FAM171B: variants seen among roughly 807,000 people sequenced by gnomAD.
FAM171B encodes the protein protein FAM171B.
A neutral mutation model predicts 75.6 loss-of-function variants in FAM171B; 19 were observed. That is an observed-to-expected ratio of 0.25 (90% CI 0.18 to 0.37). The LOEUF (loss-of-function observed/expected upper bound fraction) is 0.37, where lower values mean the gene tolerates loss of function less well. Among genes scored for constraint, FAM171B ranks in the 10% least tolerant of loss-of-function variants. The pLI, the probability that FAM171B is intolerant of heterozygous loss-of-function variation, is 1.00. For missense variants in FAM171B, 848 were observed against 982.4 expected, an observed-to-expected ratio of 0.86 and a Z score of 1.83; for synonymous variants, 367 against 361.7, an observed-to-expected ratio of 1.01 and a Z score of -0.17.
At chr2:186,707,681 C>T (rs934657661) in intron 1 of FAM171B, among the ~76,000 whole-genome samples, 1 of 152,014 alleles carries the variant, frequency 6.6e-6, no homozygotes, top group Non-Finnish European at 1.5e-5. Flanking sequence ...CTCTGTACCT[C>T]GGGAGTGACA....
At chr2:186,734,768 C>CA (rs1204153268) in intron 1 of FAM171B, among the ~76,000 whole-genome samples, 1 of 152,194 alleles carries the variant, frequency 6.6e-6, no homozygotes, top group Non-Finnish European at 1.5e-5. Context: ...CCACCCTCAG[C>CA]CTCTGCTGTT....
intron 1 of FAM171B, among the ~76,000 whole-genome samples, chr2:186,711,238 A>G (rs867674176): frequency 6.6e-6 from 1 of 152,158 alleles, no homozygotes; most frequent in South Asian, 2.1e-4. Flanking sequence ...TGAAGGTAAC[A>G]ATTTAGCTAC....
rs769406323 is a variant in FAM171B at position 186,761,456 on chromosome 2, T to G, written c.1137-23T>G. 95 of 1,530,214 alleles carry G rather than the reference T, an allele frequency of 6.2e-5. 1 individual carries two copies. In the South Asian group the frequency reaches 1.2e-3, roughly 20 times the overall value. 94.8% of individuals were successfully genotyped at this position (1,530,214 alleles called of 1,614,324 possible). A position where few individuals can be genotyped will look rare whatever the true frequency, so the allele number is the denominator to read the frequency against. On this transcript the variant is annotated intron_variant, in intron 7 of 7. Transcript: ENST00000304698. ...ATTTGTGTCATAACTTTTAAATATT[T>G]TTTGCCTTCTCTTCTACTCTAGGGA...
intron 1 of FAM171B, among the ~76,000 whole-genome samples, chr2:186,694,735 T>A (rs1386517888): frequency 7.3e-6 from 1 of 137,312 alleles, no homozygotes; most frequent in Non-Finnish European, 1.5e-5. Context: ...CCCTCTGCCC[T>A]GGGAATGACT....
chr2:186,694,189 C>G lies in FAM171B; in HGVS notation c.16C>G (p.Arg6Gly), dbSNP rs1417917515. Residue 6 changes from arginine (R) to glycine (G), a missense_variant, in exon 1 of 8, where the codon CGG becomes GGG. Arg to Gly is a moderately radical substitution (Grantham distance 125). Coordinates refer to ENST00000304698, the MANE Select transcript of FAM171B (RefSeq NM_177454.4). ...GCTCTAGGCCATGGCGAGGCTCTGC[C>G]GGCGTGTCCCCTGCACCCTGCTTCT... MARLC[R>G]RVPCTLLLGL... 2 of 1,600,964 alleles carry G rather than the reference C, an allele frequency of 1.2e-6. No homozygotes were observed. Among genetic ancestry groups the G allele is most frequent in the South Asian group, 2.2e-5 (2 of 90,368 alleles).
In FAM171B at chr2:186,761,125, A is replaced by T. The variant is rs1365629516; in HGVS notation, c.1025A>T (p.Asn342Ile). The T allele has an allele frequency of 6.2e-7, 1 of 1,609,326 alleles. No individual in the cohort carries two copies. The highest frequency in any genetic ancestry group is 8.5e-7 in the Non-Finnish European group (1 of 1,177,978). ...TTGAACCATGTAGGTTCAGGTATAA[A>T]TGAAGATTCCAAGGACATAACTGCC... is the stretch of plus-strand genomic sequence containing the variant. ...PLPGTRGSGI[N>I]EDSKDITAYH... Residue 342 changes from asparagine to isoleucine, a missense_variant, in exon 7 of 8, where the codon AAT becomes ATT. Around this residue, in one of 3 missense-constraint regions of FAM171B, gnomAD observed 665 missense variants for 729.0 expected, o/e 0.91. Coordinates refer to ENST00000304698, the MANE Select transcript of FAM171B (RefSeq NM_177454.4).
rs753359977 is a variant in FAM171B at position 186,761,699 on chromosome 2, A to G, written c.1357A>G (p.Met453Val). ...SKAETEERVS[M>V]VKTRDDFKIY... is the part of the protein sequence containing the mutation. ...GGCAGAAACAGAAGAAAGAGTTTCCATGGTAAAAACTCGGGACGATTTTAA... is the reference window on the plus strand; with the variant it reads ...GGCAGAAACAGAAGAAAGAGTTTCCGTGGTAAAAACTCGGGACGATTTTAA... The change falls in exon 8 of 8, where the codon ATG (methionine) becomes GTG (valine). Residue 453 changes from methionine (M) to valine (V), a missense_variant. Physicochemically the swap from Met to Val is conservative, Grantham distance 21. Transcript: ENST00000304698. 5 of 1,612,770 alleles carry G rather than the reference A, an allele frequency of 3.1e-6. No individual in the cohort carries two copies. The highest frequency in any genetic ancestry group is 2.2e-5 in the South Asian group (2 of 90,800).
At chr2:186,726,128 T>C (rs1012336940) in intron 1 of FAM171B, among the ~76,000 whole-genome samples, 3 of 152,362 alleles carry the variant, frequency 2.0e-5, no homozygotes, top group African/African-American at 7.2e-5. Context: ...GGATAAAAAG[T>C]ATATTTTATT....
At chr2:186,736,645 CTTTTT>C (rs71396886) in intron 1 of FAM171B, among the ~76,000 whole-genome samples, 21 of 50,236 alleles carry the variant, frequency 4.2e-4, no homozygotes, top group African/African-American at 1.6e-3. Flanking sequence ...GGGATCAGAG[CTTTTT>C]TTTTTTTTTT....
chr2:186,742,838 A>G (rs781655801), intron 2 of FAM171B, among the ~76,000 whole-genome samples: 1 of 152,212 alleles, frequency 6.6e-6, no homozygotes, highest in Non-Finnish European at 1.5e-5. Context: ...CAATCTTGAA[A>G]TAATATCTTT....
At chr2:186,702,573 C>G (rs2105771109) in intron 1 of FAM171B, among the ~76,000 whole-genome samples, 1 of 152,244 alleles carries the variant, frequency 6.6e-6, no homozygotes, top group Admixed American at 6.5e-5. Flanking sequence ...GTCACAATGA[C>G]TAGGCTGTAT....
intron 1 of FAM171B, among the ~76,000 whole-genome samples, chr2:186,731,724 C>T (rs547771856): frequency 1.4e-4 from 22 of 152,266 alleles, no homozygotes; most frequent in Admixed American, 3.9e-4. Flanking sequence ...ATGTGAGCGG[C>T]GGGTGAGTCA....
intron 1 of FAM171B, among the ~76,000 whole-genome samples, chr2:186,719,992 T>C (rs1311387986): frequency 3.3e-5 from 5 of 152,244 alleles, no homozygotes; most frequent in Admixed American, 3.3e-4. Flanking sequence ...TTTAGTACCA[T>C]GGTTGTGTGT....
chr2:186,714,094 T>C (rs561853125), intron 1 of FAM171B, among the ~76,000 whole-genome samples: 1 of 151,416 alleles, frequency 6.6e-6, no homozygotes, highest in South Asian at 2.1e-4. Context: ...GAACAGTCTT[T>C]TTAGAATTCT....
chr2:186,754,599 T>C (rs1690503263), intron 6 of FAM171B, among the ~76,000 whole-genome samples: 1 of 152,262 alleles, frequency 6.6e-6, no homozygotes, highest in South Asian at 2.1e-4. Flanking sequence ...AGCTGAAGAA[T>C]GATCATCCTA....
intron 1 of FAM171B, chr2:186,695,385 A>G (rs1188998408): frequency 6.6e-6 from 1 of 152,030 alleles, no homozygotes; most frequent in East Asian, 1.9e-4. Context: ...TTGGAAAGAA[A>G]AAAAGCCTCC....
intron 2 of FAM171B, among the ~76,000 whole-genome samples, chr2:186,741,968 T>C (rs780964309): frequency 6.6e-6 from 1 of 152,148 alleles, no homozygotes; most frequent in Non-Finnish European, 1.5e-5. Context: ...GATACCTTAA[T>C]AAATGAAATA....
Position 186,751,224 on chromosome 2 carries a change from A to G in FAM171B, c.815A>G (p.Gln272Arg). ...GAACTAAAGGTCAATGGCTCTATTC[A>G]AGTTTCTCTTCCTCTTCTACGTCTG... ...GKELKVNGSI[Q>R]VSLPLLRLND... The change falls in exon 5 of 8, where the codon CAA (glutamine) becomes CGA (arginine). Residue 272 changes from glutamine to arginine, a missense_variant. Around this residue, in one of 3 missense-constraint regions of FAM171B, gnomAD observed 665 missense variants for 729.0 expected, o/e 0.91. Coordinates refer to ENST00000304698, the MANE Select transcript of FAM171B (RefSeq NM_177454.4). 6.2e-7 allele frequency: 1 copy of G among 1,612,002 alleles called. No homozygotes were observed. The highest frequency in any genetic ancestry group is 8.5e-7 in the Non-Finnish European group (1 of 1,178,618).
intron 4 of FAM171B, among the ~76,000 whole-genome samples, chr2:186,750,816 A>G (rs552472226): frequency 1.6e-4 from 25 of 152,288 alleles, no homozygotes; most frequent in Non-Finnish European, 3.5e-4. Context: ...ATATGGTACT[A>G]TAGTGAGATG....
Sources: gnomAD v4.1 joint callset for allele counts (sites outside exome capture counted in the v4.1 genomes callset) on GRCh38, gnomAD v4.1.1 for gene constraint, gnomAD v4.1.1 regional missense constraint, MANE v1.5 for transcripts, NCBI Gene and HGNC (gene_info 2026-07-23, HGNC 2026-07-21) for gene names.